TMEM273: variants seen among roughly 807,000 people sequenced by gnomAD.
The protein encoded by TMEM273 is transmembrane protein 273.
Under a neutral mutation model 17.9 loss-of-function variants are expected in TMEM273, and 19 were observed. The observed-to-expected ratio is 1.06, with a 90% CI of 0.74 to 1.55. The LOEUF (loss-of-function observed/expected upper bound fraction) is 1.55. TMEM273 is among the 40% of genes most tolerant of loss of function. The pLI is 0.00. For synonymous variants in TMEM273, 66 were observed against 62.0 expected, an observed-to-expected ratio of 1.07 and a Z score of -0.31; for missense variants, 194 against 155.6, an observed-to-expected ratio of 1.25 and a Z score of -1.31.
At position 49,155,431 on chromosome 10, in the gene TMEM273, A is replaced by T; in HGVS notation, c.*461T>A. ...TCACATAGTCCATCTTTAAGAAGGG[A>T]TCTCCTGGCAGCTAAGAGGGTGAAG... On this transcript the variant is annotated 3_prime_UTR_variant, in exon 7 of 7. Coordinates refer to ENST00000374153, the MANE Select transcript of TMEM273 (RefSeq NM_001288740.3). 5.5e-6 allele frequency: 1 copy of T among 181,106 alleles called. No individual in the cohort carries two copies. The highest frequency in any genetic ancestry group is 1.3e-4 in the South Asian group (1 of 7,930). The allele number at this position is 181,106 out of a possible 1,614,324, so 11.2% of individuals were successfully genotyped here. A position where few individuals can be genotyped will look rare whatever the true frequency, so the allele number is the denominator to read the frequency against.
intron 6 of TMEM273, chr10:49,161,297 T>G: frequency 2.2e-6 from 1 of 463,248 alleles, no homozygotes; most frequent in Non-Finnish European, 3.9e-6. Flanking sequence ...TTGGACACTA[T>G]CATAGGATAG....
chr10:49,161,454 C>G, intron 6 of TMEM273, 145 bp downstream of exon 6: 1 of 961,032 alleles, frequency 1.0e-6, no homozygotes, highest in South Asian at 1.4e-5. Context: ...CACAGCTGTC[C>G]TGGCATGAGG....
chr10:49,166,146 C>G (rs1021769887), intron 3 of TMEM273, among the ~76,000 whole-genome samples: 7 of 152,166 alleles, frequency 4.6e-5, no homozygotes, highest in Non-Finnish European at 1.5e-5. Context: ...AGGCTCTATT[C>G]TCCCCAGAAG....
intron 6 of TMEM273, among the ~76,000 whole-genome samples, chr10:49,158,354 A>G (rs1845638765): frequency 6.6e-6 from 1 of 152,068 alleles, no homozygotes; most frequent in African/African-American, 2.4e-5. Context: ...GGTCTATACA[A>G]AAGCCCAATA....
intron 6 of TMEM273, among the ~76,000 whole-genome samples, chr10:49,159,812 G>A (rs1328083648): frequency 6.6e-6 from 1 of 152,160 alleles, no homozygotes; most frequent in African/African-American, 2.4e-5. Flanking sequence ...GTCAAGGTGA[G>A]CCTGAGATAT....
Position 49,155,884 on chromosome 10 carries a change from C to T in TMEM273, c.*8G>A, listed in dbSNP as rs1235048363. On this transcript the variant is annotated 3_prime_UTR_variant, in exon 7 of 7. Coordinates refer to ENST00000374153, the MANE Select transcript of TMEM273 (RefSeq NM_001288740.3). ...GAACCCCTCTTCACGTCACTGCTCA[C>T]CTACAGCTCAATCACCTGTGCATCT... 1.9e-6 allele frequency: 3 copies of T among 1,614,086 alleles called. No individual in the cohort carries two copies. The highest frequency in any genetic ancestry group is 1.3e-5 in the African/African-American group (1 of 74,930).
intron 4 of TMEM273, 199 bp from the exon 5 acceptor site, chr10:49,165,482 A>G (rs1020621142): frequency 6.9e-7 from 1 of 1,449,124 alleles, no homozygotes; most frequent in African/African-American, 1.4e-5. Flanking sequence ...AGGGGTATGC[A>G]CTGAAGGGGT....
chr10:49,184,749 G>A (rs1177362686), intron 1 of TMEM273, among the ~76,000 whole-genome samples: 2 of 152,218 alleles, frequency 1.3e-5, no homozygotes, highest in Admixed American at 6.5e-5. Context: ...CCTGCCAGGG[G>A]TGTCTGCTAG....
intron 1 of TMEM273, 33 bp downstream of exon 1, chr10:49,188,261 C>T: frequency 6.2e-7 from 1 of 1,613,378 alleles, no homozygotes; most frequent in Non-Finnish European, 8.5e-7. Flanking sequence ...CTGAGGCTCC[C>T]CCGGGCCAGA....
Position 49,155,842 on chromosome 10 carries a change from T to C in TMEM273, c.*50A>G. ...ACATCCTGAGATGTTAACCATGGGC[T>C]GTTTTCCACGGGGCTAGAACCCCTC... is the stretch of plus-strand genomic sequence containing the variant. On this transcript the variant is annotated 3_prime_UTR_variant, in exon 7 of 7. Transcript: ENST00000374153. 1 of 1,614,032 alleles carries C rather than the reference T, an allele frequency of 6.2e-7. No individual in the cohort carries two copies.
chr10:49,185,460 C>G (rs1457925257), intron 1 of TMEM273, among the ~76,000 whole-genome samples: 2 of 152,094 alleles, frequency 1.3e-5, no homozygotes, highest in African/African-American at 2.4e-5. Context: ...GTCACCCACC[C>G]TCACAGACCC....
intron 4 of TMEM273, 192 bp from the exon 5 acceptor site, chr10:49,165,475 G>T (rs754877500): frequency 1.4e-6 from 2 of 1,462,010 alleles, no homozygotes; most frequent in Non-Finnish European, 1.8e-6. Flanking sequence ...GAAAGTCAGG[G>T]GTATGCACTG....
intron 2 of TMEM273, among the ~76,000 whole-genome samples, chr10:49,167,353 G>A (rs1186475433): frequency 6.6e-6 from 1 of 152,238 alleles, no homozygotes; most frequent in Non-Finnish European, 1.5e-5. Context: ...TATTGGGTGT[G>A]TGTTAATTGC....
intron 1 of TMEM273, among the ~76,000 whole-genome samples, chr10:49,173,229 G>T (rs1208767197): frequency 6.6e-6 from 1 of 152,242 alleles, no homozygotes. Context: ...AGTCACCTCA[G>T]TAAGGAAATA....
chr10:49,165,639 G>T, intron 4 of TMEM273, 127 bp downstream of exon 4: 1 of 1,393,674 alleles, frequency 7.2e-7, no homozygotes, highest in Non-Finnish European at 1.0e-6. Context: ...ACCACGAGGT[G>T]CATTCTAGTC....
At chr10:49,168,877 C>T (rs1846373703) in intron 1 of TMEM273, among the ~76,000 whole-genome samples, 1 of 152,146 alleles carries the variant, frequency 6.6e-6, no homozygotes, top group South Asian at 2.1e-4. Context: ...GAAATGTGCA[C>T]ATTTATTGGC....
At chr10:49,187,210 G>C (rs1360542995) in intron 1 of TMEM273, among the ~76,000 whole-genome samples, 1 of 152,144 alleles carries the variant, frequency 6.6e-6, no homozygotes, top group Non-Finnish European at 1.5e-5. Flanking sequence ...GCTGCTTGCT[G>C]GTGCCTGACA....
chr10:49,167,549 G>A (rs1275594694), intron 2 of TMEM273, among the ~76,000 whole-genome samples: 6 of 152,212 alleles, frequency 3.9e-5, no homozygotes, highest in Admixed American at 2.6e-4. Flanking sequence ...AGCAGATGAG[G>A]CCCTTAAGGG....
At position 49,156,180 on chromosome 10, in the gene TMEM273, A is replaced by G. The variant is rs187804574; in HGVS notation, c.373-271T>C. ...CACTTTGATGACAAAAAGAGAAGTC[A>G]TTCCTCGAGGTTAATAGGCATATTT... On this transcript the variant is annotated intron_variant, in intron 6 of 6. Coordinates refer to ENST00000374153, the MANE Select transcript of TMEM273 (RefSeq NM_001288740.3). 844 of 1,497,238 alleles carry G rather than the reference A, an allele frequency of 5.6e-4. 4 individuals carry two copies. In the African/African-American group the frequency reaches 0.011, roughly 19 times the overall value. 92.7% of individuals were successfully genotyped at this position (1,497,238 alleles called of 1,614,324 possible).
Sources: allele counts gnomAD v4.1 joint callset (sites outside exome capture counted in the v4.1 genomes callset), GRCh38; gene constraint gnomAD v4.1.1; transcripts MANE v1.5; gene names NCBI Gene and HGNC (gene_info 2026-07-23, HGNC 2026-07-21).